The following DCLK1 variants were observed in gnomAD, a reference collection of about 807,000 sequenced individuals.
DCLK1 encodes doublecortin like kinase 1, also known as serine/threonine-protein kinase DCLK1.
A neutral mutation model predicts 86.2 loss-of-function variants in DCLK1; 16 were observed. That is an observed-to-expected ratio of 0.19 (90% CI 0.13 to 0.28). DCLK1 has a LOEUF of 0.28. Among genes scored for constraint, DCLK1 ranks in the 10% least tolerant of loss-of-function variants. DCLK1 has a pLI of 1.00. For missense variants in DCLK1, 590 were observed against 940.2 expected (o/e 0.63, Z 4.87); for synonymous variants, 369 against 370.5 (o/e 1.00, Z 0.05).
intron 15 of DCLK1, among the ~76,000 whole-genome samples, chr13:35,794,280 T>C (rs956226799): frequency 2.0e-5 from 3 of 152,216 alleles, no homozygotes; most frequent in African/African-American, 7.2e-5. Flanking sequence ...AATCTCCAGG[T>C]CTTAGCATAG....
intron 4 of DCLK1, among the ~76,000 whole-genome samples, chr13:35,891,379 C>T (rs1157319196): frequency 6.6e-6 from 1 of 152,114 alleles, no homozygotes; most frequent in Non-Finnish European, 1.5e-5. Context: ...GATGTTTTAT[C>T]CCCAATTATA....
At chr13:36,029,493 A>T (rs1049119145) in intron 3 of DCLK1, among the ~76,000 whole-genome samples, 5 of 152,162 alleles carry the variant, frequency 3.3e-5, no homozygotes, top group Non-Finnish European at 7.3e-5. Flanking sequence ...ATTACCTTAT[A>T]ATTTGTATTA....
intron 3 of DCLK1, among the ~76,000 whole-genome samples, chr13:35,960,187 C>A (rs187914269): frequency 2.0e-5 from 3 of 152,146 alleles, no homozygotes; most frequent in Admixed American, 6.5e-5. Context: ...CTTTCTCCCC[C>A]CTTAATCCAT....
intron 4 of DCLK1, among the ~76,000 whole-genome samples, chr13:35,928,060 C>T (rs778618550): frequency 2.6e-5 from 4 of 152,182 alleles, no homozygotes; most frequent in Non-Finnish European, 2.9e-5. Flanking sequence ...TGTAATGAAA[C>T]TGTAATCATA....
intron 3 of DCLK1, among the ~76,000 whole-genome samples, chr13:35,998,494 C>A (rs1408911218): frequency 6.6e-6 from 1 of 152,038 alleles, no homozygotes; most frequent in East Asian, 1.9e-4. Context: ...GCGTCTCTAC[C>A]AATCTCCCTT....
chr13:36,087,152 G>T (rs1352854940), intron 3 of DCLK1, among the ~76,000 whole-genome samples: 2 of 152,054 alleles, frequency 1.3e-5, no homozygotes, highest in Admixed American at 6.6e-5. Flanking sequence ...TTTAATGATC[G>T]ATCGCCATTC....
chr13:35,984,224 C>T (rs1182893967), intron 3 of DCLK1, among the ~76,000 whole-genome samples: 1 of 152,208 alleles, frequency 6.6e-6, no homozygotes, highest in African/African-American at 2.4e-5. Flanking sequence ...GAGGATAGGA[C>T]TTCAGTCAAT....
intron 3 of DCLK1, among the ~76,000 whole-genome samples, chr13:35,950,515 C>G (rs1877609366): frequency 6.6e-6 from 1 of 152,158 alleles, no homozygotes; most frequent in Non-Finnish European, 1.5e-5. Flanking sequence ...AGTGTTACTC[C>G]TTTTGAAACC....
intron 15 of DCLK1, among the ~76,000 whole-genome samples, chr13:35,804,275 C>T (rs889777203): frequency 1.6e-4 from 23 of 145,786 alleles, no homozygotes; most frequent in African/African-American, 3.6e-4. Flanking sequence ...GGATTACAGG[C>T]GCATACCACC....
In DCLK1 at chr13:35,835,169, C is replaced by A. The variant is rs548273631; in HGVS notation, c.1229+864G>T. ...GAGTGGAGCTTAGGAGTGTGATTCT[C>A]GGAGGATTAAGAATGGGCAGGGTGT... On this transcript the variant is annotated intron_variant, in intron 8 of 16. Transcript: ENST00000360631. Among the ~76,000 whole-genome samples the A allele has an allele frequency of 4.6e-5, 7 of 152,160 alleles. 1 individual carries two copies. In the South Asian group the frequency reaches 1.5e-3, roughly 32 times the overall value.
At chr13:35,876,260 T>C (rs11147591) in intron 4 of DCLK1, among the ~76,000 whole-genome samples, 40,377 of 152,096 alleles carry the variant, frequency 0.27, 5,505 homozygotes, top group Admixed American at 0.3. Context: ...TTTCAACTCT[T>C]GGACCACTTG....
intron 1 of DCLK1, among the ~76,000 whole-genome samples, chr13:36,130,356 A>G (rs1025832309): frequency 6.6e-6 from 1 of 152,148 alleles, no homozygotes; most frequent in African/African-American, 2.4e-5. Flanking sequence ...GCAGAGAGGG[A>G]GCCGGTTTGA....
intron 3 of DCLK1, among the ~76,000 whole-genome samples, chr13:36,015,742 C>T (rs528878150): frequency 3.3e-5 from 5 of 152,198 alleles, no homozygotes; most frequent in African/African-American, 1.2e-4. Flanking sequence ...ACCTGCCAAC[C>T]AGTGATCATT....
chr13:35,775,564 G>T (rs1262785216), intron 16 of DCLK1, among the ~76,000 whole-genome samples: 2 of 152,236 alleles, frequency 1.3e-5, no homozygotes, highest in East Asian at 3.9e-4. Flanking sequence ...GGGGAAAAAT[G>T]GGGTCATTAC....
intron 3 of DCLK1, among the ~76,000 whole-genome samples, chr13:35,970,839 G>T (rs767997764): frequency 3.9e-5 from 6 of 152,188 alleles, no homozygotes; most frequent in Admixed American, 3.9e-4. Flanking sequence ...GGGAGAATTG[G>T]TGAGGTCAAA....
intron 15 of DCLK1, among the ~76,000 whole-genome samples, chr13:35,797,599 G>A (rs941245362): frequency 2.4e-4 from 36 of 152,136 alleles, no homozygotes; most frequent in African/African-American, 8.4e-4. Context: ...ATCTTAAAAC[G>A]TTCTAGGATT....
intron 3 of DCLK1, among the ~76,000 whole-genome samples, chr13:35,999,893 T>G (rs1880637581): frequency 6.6e-6 from 1 of 152,110 alleles, no homozygotes; most frequent in Non-Finnish European, 1.5e-5. Flanking sequence ...TATACACAAA[T>G]AGCAGCAATC....
intron 3 of DCLK1, among the ~76,000 whole-genome samples, chr13:35,991,715 T>G (rs1010431166): frequency 3.3e-5 from 5 of 152,164 alleles, no homozygotes; most frequent in Admixed American, 3.3e-4. Flanking sequence ...TTTTCTCTCA[T>G]TAAACTATCT....
intron 3 of DCLK1, among the ~76,000 whole-genome samples, chr13:36,002,589 T>C (rs1045011883): frequency 2.6e-5 from 4 of 152,208 alleles, no homozygotes; most frequent in Non-Finnish European, 5.9e-5. Context: ...TAGTTTTATA[T>C]TGGGACACAG....
Sources: allele counts gnomAD v4.1 joint callset (sites outside exome capture counted in the v4.1 genomes callset), GRCh38; gene constraint gnomAD v4.1.1; transcripts MANE v1.5; gene names NCBI Gene and HGNC (gene_info 2026-07-23, HGNC 2026-07-21).